The following NELL1 variants were observed in gnomAD, a reference collection of about 807,000 sequenced individuals.
NELL1 encodes the protein protein kinase C-binding protein NELL1.
Under a neutral mutation model 107.4 loss-of-function variants are expected in NELL1, and 76 were observed. The observed-to-expected ratio is 0.71, with a 90% CI of 0.59 to 0.86. The LOEUF is 0.86. Among genes scored for constraint, NELL1 ranks in the 40% least tolerant of loss-of-function variants. The pLI is 0.00. For missense variants in NELL1, 1,024 were observed against 1,005.5 expected (o/e 1.02, Z -0.25); for synonymous variants, 353 against 341.2 (o/e 1.03, Z -0.38).
At chr11:21,298,440 C>G (rs910761513) in intron 14 of NELL1, among the ~76,000 whole-genome samples, 4 of 151,982 alleles carry the variant, frequency 2.6e-5, no homozygotes, top group African/African-American at 7.2e-5. Flanking sequence ...CTTTGGTGCT[C>G]AGCTCCAGAG....
At chr11:20,707,447 T>C (rs1163113771) in intron 2 of NELL1, among the ~76,000 whole-genome samples, 2 of 152,260 alleles carry the variant, frequency 1.3e-5, no homozygotes, top group Admixed American at 6.5e-5. Flanking sequence ...AGAGGCGCTC[T>C]GATTTTGAGA....
At chr11:20,936,008 G>C (rs1443294298) in intron 9 of NELL1, among the ~76,000 whole-genome samples, 1 of 152,106 alleles carries the variant, frequency 6.6e-6, no homozygotes, top group Non-Finnish European at 1.5e-5. Context: ...GTTCTGAGGG[G>C]AAACAGACTT....
At chr11:21,569,113 T>C (rs1457082116) in intron 17 of NELL1, among the ~76,000 whole-genome samples, 1 of 151,598 alleles carries the variant, frequency 6.6e-6, no homozygotes, top group African/African-American at 2.4e-5. Context: ...TGTCACTAGG[T>C]GACAGGAATT....
At chr11:21,537,640 A>G (rs1856170536) in intron 16 of NELL1, among the ~76,000 whole-genome samples, 1 of 110,188 alleles carries the variant, frequency 9.1e-6, no homozygotes, top group East Asian at 2.4e-4. Flanking sequence ...CTTGCCTCAA[A>G]CAAGTTGTTT....
intron 13 of NELL1, among the ~76,000 whole-genome samples, chr11:21,181,861 G>A (rs1401868974): frequency 6.6e-6 from 1 of 151,752 alleles, no homozygotes; most frequent in Non-Finnish European, 1.5e-5. Context: ...AGACATGCTG[G>A]CTTCTGAGTA....
At chr11:21,218,071 T>C (rs1857661541) in intron 13 of NELL1, among the ~76,000 whole-genome samples, 1 of 152,212 alleles carries the variant, frequency 6.6e-6, no homozygotes, top group African/African-American at 2.4e-5. Flanking sequence ...AATAGCTTGG[T>C]GTGACAATCA....
At chr11:20,978,053 A>C (rs1851675289) in intron 12 of NELL1, among the ~76,000 whole-genome samples, 1 of 152,158 alleles carries the variant, frequency 6.6e-6, no homozygotes, top group Admixed American at 6.5e-5. Flanking sequence ...GACTCACCCT[A>C]AGCTTACCTA....
intron 14 of NELL1, among the ~76,000 whole-genome samples, chr11:21,353,539 G>A (rs919255884): frequency 6.6e-6 from 1 of 152,066 alleles, no homozygotes; most frequent in African/African-American, 2.4e-5. Flanking sequence ...AATAACATTA[G>A]CACAAGAACA....
intron 14 of NELL1, among the ~76,000 whole-genome samples, chr11:21,337,611 G>A (rs1850436484): frequency 6.6e-6 from 1 of 152,162 alleles, no homozygotes; most frequent in African/African-American, 2.4e-5. Flanking sequence ...GGGAAACTGA[G>A]AAATATGTAA....
Position 21,534,422 on chromosome 11 carries a change from G to C in NELL1, c.1694G>C (p.Arg565Pro), listed in dbSNP as rs185527274. 1 of 1,613,796 alleles carries C rather than the reference G, an allele frequency of 6.2e-7. No individual in the cohort carries two copies. Among genetic ancestry groups the C allele is most frequent in the South Asian group, 1.1e-5 (1 of 91,064 alleles). The change falls in exon 16 of 20, where the codon CGC (arginine) becomes CCC (proline). Residue 565 changes from arginine to proline, a missense_variant. Physicochemically the swap from Arg to Pro is moderately radical, Grantham distance 103 (BLOSUM62 -2). Transcript: ENST00000357134. The stretch of plus-strand genomic sequence containing the variant: ...ATCATTGAGTGCCACAACCATTCCC[G>C]CTGCGTTAACCTGCCAGGGTGGTAC... Reference protein sequence around the residue: ...EGIIECHNHSRCVNLPGWYHC... With the variant: ...EGIIECHNHSPCVNLPGWYHC...
chr11:21,567,402 A>G (rs1314112444), intron 17 of NELL1, among the ~76,000 whole-genome samples: 1 of 150,302 alleles, frequency 6.7e-6, no homozygotes, highest in Non-Finnish European at 1.5e-5. Flanking sequence ...GGATTCTCTG[A>G]TTGAATTCAC....
At chr11:21,491,519 G>T (rs952472793) in intron 15 of NELL1, among the ~76,000 whole-genome samples, 8 of 152,086 alleles carry the variant, frequency 5.3e-5, no homozygotes, top group African/African-American at 1.9e-4. Flanking sequence ...GATAAGCGGC[G>T]CTATTTCTGA....
rs760191199 is a variant in NELL1, at chr11:21,573,329, C to T, written c.2302C>T (p.Leu768=). 1.2e-6 allele frequency: 2 copies of T among 1,612,518 alleles called. No individual in the cohort carries two copies. The highest frequency in any genetic ancestry group is 2.2e-5 in the South Asian group (2 of 91,066). ...NITYDIRKTC[L]DSYGVSRLSG... ...CACCTATGACATCAGAAAAACTTGCCTGGACAGCTATGGTGTTTCACGGCT... is the reference window on the plus strand; with the variant it reads ...CACCTATGACATCAGAAAAACTTGCTTGGACAGCTATGGTGTTTCACGGCT... The change falls in exon 19 of 20, where the codon CTG becomes TTG. Residue 768 remains leucine (L), a synonymous_variant. Transcript: ENST00000357134.
chr11:21,222,936 T>G (rs1219340786), intron 13 of NELL1, among the ~76,000 whole-genome samples: 1 of 152,212 alleles, frequency 6.6e-6, no homozygotes, highest in African/African-American at 2.4e-5. Flanking sequence ...TTTTTGGAAA[T>G]TTGTTTAGAC....
intron 2 of NELL1, among the ~76,000 whole-genome samples, chr11:20,723,738 G>T (rs541430044): frequency 6.6e-6 from 1 of 152,076 alleles, no homozygotes; most frequent in Non-Finnish European, 1.5e-5. Context: ...TCTGTGGGGG[G>T]GGGCTCCAAC....
chr11:21,448,341 T>A (rs1464084009), intron 15 of NELL1, among the ~76,000 whole-genome samples: 1 of 152,218 alleles, frequency 6.6e-6, no homozygotes, highest in Non-Finnish European at 1.5e-5. Flanking sequence ...TGCTGATTGC[T>A]TTTCCTCATA....
intron 13 of NELL1, among the ~76,000 whole-genome samples, chr11:21,142,901 C>T (rs528074229): frequency 3.1e-4 from 47 of 152,300 alleles, no homozygotes; most frequent in African/African-American, 7.9e-4. Context: ...ATGAAACAGA[C>T]GCACGGTATG....
intron 12 of NELL1, among the ~76,000 whole-genome samples, chr11:21,022,300 C>T (rs372975174): frequency 6.6e-6 from 1 of 152,054 alleles, no homozygotes; most frequent in Non-Finnish European, 1.5e-5. Flanking sequence ...TGTTGTACCA[C>T]CAAAATTATT....
At chr11:20,736,561 C>T (rs1170316260) in intron 2 of NELL1, among the ~76,000 whole-genome samples, 1 of 152,158 alleles carries the variant, frequency 6.6e-6, no homozygotes, top group African/African-American at 2.4e-5. Context: ...TGTGGAATTT[C>T]TCAGGCCTGC....
Sources: allele counts gnomAD v4.1 joint callset (sites outside exome capture counted in the v4.1 genomes callset), GRCh38; gene constraint gnomAD v4.1.1; transcripts MANE v1.5; gene names NCBI Gene and HGNC (gene_info 2026-07-23, HGNC 2026-07-21).